The following LCA5 variants were observed in gnomAD, a reference collection of about 807,000 sequenced individuals.
LCA5 encodes the protein lebercilin LCA5.
A neutral mutation model predicts 53.0 loss-of-function variants in LCA5; 37 were observed. That is an observed-to-expected ratio of 0.70 (90% CI 0.54 to 0.92). The LOEUF (loss-of-function observed/expected upper bound fraction) is 0.92, where lower values mean the gene tolerates loss of function less well. LCA5 is among the 40% of genes least tolerant of loss of function. LCA5 has a pLI of 0.00. For synonymous variants in LCA5, 303 were observed against 282.9 expected, an observed-to-expected ratio of 1.07 and a Z score of -0.71; for missense variants, 806 against 790.5, an observed-to-expected ratio of 1.02 and a Z score of -0.23.
intron 3 of LCA5, among the ~76,000 whole-genome samples, chr6:79,503,639 C>T (rs768446445): frequency 5.9e-5 from 9 of 152,162 alleles, no homozygotes; most frequent in African/African-American, 1.2e-4. Context: ...AAGTACCAAG[C>T]GCTGAGCCAG....
At chr6:79,525,450 T>C (rs1378113526) in intron 1 of LCA5, among the ~76,000 whole-genome samples, 2 of 152,204 alleles carry the variant, frequency 1.3e-5, no homozygotes, top group Non-Finnish European at 2.9e-5. Context: ...AGAGTGGTCA[T>C]AGCCATCTGG....
chr6:79,487,501 T>C lies in LCA5; in HGVS notation c.1597A>G (p.Lys533Glu), dbSNP rs776677108. 3.7e-6 allele frequency: 6 copies of C among 1,614,048 alleles called. 1 individual carries two copies. Among genetic ancestry groups the C allele is most frequent in the East Asian group, 4.5e-5 (2 of 44,872 alleles). Residue 533 changes from lysine to glutamate, a missense_variant, in exon 8 of 8, where the codon AAA becomes GAA. By Grantham distance (56) the Lys-to-Glu change is moderately conservative (BLOSUM62 1). Transcript: ENST00000369846. ...HLQDISFSTP[K>E]GEGQNSGNVR... is the part of the protein sequence containing the mutation. ...TTTCCTGAATTCTGACCTTCTCCTT[T>C]TGGAGTTGAGAAACTGATGTCTTGC... is the stretch of plus-strand genomic sequence containing the variant.
At chr6:79,521,061 T>TTCA (rs1766609800) in intron 1 of LCA5, among the ~76,000 whole-genome samples, 2 of 152,224 alleles carry the variant, frequency 1.3e-5, no homozygotes, top group Admixed American at 1.3e-4. Context: ...GAGATGTTGC[T>TTCA]GGTGTAACTG....
chr6:79,507,275 G>C (rs1284008850), intron 3 of LCA5, among the ~76,000 whole-genome samples: 1 of 152,012 alleles, frequency 6.6e-6, no homozygotes, highest in Non-Finnish European at 1.5e-5. Context: ...GGGAAATATA[G>C]ATTTTTTGTT....
In LCA5 at chr6:79,518,900, T is replaced by C. The variant is rs1289420415; in HGVS notation, c.-6A>G. The C allele has an allele frequency of 1.2e-6, 2 of 1,613,744 alleles. No homozygotes were observed. Among genetic ancestry groups the C allele is most frequent in the African/African-American group, 2.7e-5 (2 of 74,936 alleles). On this transcript the variant is annotated 5_prime_UTR_variant, in exon 2 of 8. Transcript: ENST00000369846. ...CTTCCTGCTCTTTCCCCCATTGTTT[T>C]GAAAAATGGTCTCTATTCACATAAT... is the stretch of plus-strand genomic sequence containing the variant.
Position 79,487,799 on chromosome 6 carries a change from C to T in LCA5, c.1299G>A (p.Lys433=). ...GGTACCTTCCAGTTTCCCACTCTGG[C>T]TTTTCTTCTCTTTCCAGTAAAGATG... The part of the protein sequence containing the change: ...EKASLLEREE[K]PEWETGRYQL... Residue 433 remains lysine, a synonymous_variant, in exon 8 of 8, where the codon AAG becomes AAA. Transcript: ENST00000369846. 6.2e-7 allele frequency: 1 copy of T among 1,611,164 alleles called. No individual in the cohort carries two copies.
upstream of LCA5, among the ~76,000 whole-genome samples, chr6:79,538,018 G>GTTTTTTTTTTTTT (rs869197362): frequency 2.4e-3 from 106 of 44,158 alleles, 32 homozygotes; most frequent in South Asian, 3.2e-3. Flanking sequence ...TTGCACACAA[G>GTTTTTTTTTTTTT]TTTTTTTTTT....
intron 1 of LCA5, among the ~76,000 whole-genome samples, chr6:79,525,677 T>C (rs1049190928): frequency 6.6e-5 from 10 of 152,244 alleles, no homozygotes; most frequent in South Asian, 2.1e-4. Context: ...TCCCTCTGCA[T>C]TCCTGCAAAG....
intron 6 of LCA5, 98 bp downstream of exon 6, chr6:79,491,490 G>T: frequency 8.2e-7 from 1 of 1,220,444 alleles, no homozygotes; most frequent in Non-Finnish European, 1.2e-6. Flanking sequence ...TATAGATATA[G>T]TACTAGCTTC....
intron 3 of LCA5, among the ~76,000 whole-genome samples, chr6:79,503,492 A>G (rs935315932): frequency 1.3e-5 from 2 of 152,196 alleles, no homozygotes; most frequent in African/African-American, 4.8e-5. Context: ...ACTGAGCTCA[A>G]ATTGAAAACC....
chr6:79,518,966 G>GA lies in LCA5; in HGVS notation c.-73dup, dbSNP rs1469777558. Reference sequence around the variant, plus strand: ...CTCCAGAGGAGACTATGACAATACTGAAAAACATTTTCACAGTCTTCAGAT... The same window carrying GA: ...CTCCAGAGGAGACTATGACAATACTGAAAAAACATTTTCACAGTCTTCAGAT... On this transcript the variant is annotated 5_prime_UTR_variant, in exon 2 of 8. An upstream open reading frame in the 5' UTR gains an earlier in-frame stop. Transcript: ENST00000369846. 10 of 1,354,354 alleles carry GA rather than the reference G, an allele frequency of 7.4e-6. No individual in the cohort carries two copies. The highest frequency in any genetic ancestry group is 1.7e-5 in the Admixed American group (1 of 59,644). 83.9% of individuals were successfully genotyped at this position (1,354,354 alleles called of 1,614,324 possible). A position where few individuals can be genotyped will look rare whatever the true frequency, so the allele number is the denominator to read the frequency against.
chr6:79,536,462 A>C (rs1053066857), intron 1 of LCA5, among the ~76,000 whole-genome samples: 9 of 152,242 alleles, frequency 5.9e-5, no homozygotes, highest in Admixed American at 4.6e-4. Flanking sequence ...ATATCAGATG[A>C]ACTGGACCAG....
intron 7 of LCA5, 55 bp downstream of exon 7, chr6:79,489,025 CTCTT>C (rs766530411): frequency 5.0e-6 from 8 of 1,588,634 alleles, no homozygotes; most frequent in Non-Finnish European, 6.0e-6. Flanking sequence ...AAGACGCTCA[CTCTT>C]TCTTTCTCAA....
intron 3 of LCA5, among the ~76,000 whole-genome samples, chr6:79,510,840 G>T (rs529642233): frequency 6.6e-6 from 1 of 152,238 alleles, no homozygotes; most frequent in Admixed American, 6.5e-5. Flanking sequence ...AGCCATTAGG[G>T]AAAGGCAAAT....
chr6:79,496,159 C>A (rs951881617), intron 3 of LCA5, among the ~76,000 whole-genome samples: 3 of 152,174 alleles, frequency 2.0e-5, no homozygotes, highest in Non-Finnish European at 4.4e-5. Flanking sequence ...ATCAGAATGT[C>A]TTAAACTGGA....
chr6:79,504,451 C>A (rs568625897), intron 3 of LCA5, among the ~76,000 whole-genome samples: 2 of 152,138 alleles, frequency 1.3e-5, no homozygotes, highest in South Asian at 4.1e-4. Context: ...CATTTATGGA[C>A]AGAAAAAGGG....
chr6:79,493,568 C>T (rs202202315), intron 4 of LCA5, 45 bp downstream of exon 4: 20 of 1,522,788 alleles, frequency 1.3e-5, no homozygotes, highest in African/African-American at 6.9e-5. Flanking sequence ...ATTTAATTTT[C>T]GTCTAATACA....
intron 2 of LCA5, among the ~76,000 whole-genome samples, chr6:79,515,638 G>A (rs1448102158): frequency 1.3e-5 from 2 of 151,812 alleles, no homozygotes; most frequent in African/African-American, 4.8e-5. Flanking sequence ...ATGCATTCCA[G>A]AGTAAAAAAA....
chr6:79,501,431 C>T (rs911481884), intron 3 of LCA5, among the ~76,000 whole-genome samples: 4 of 152,086 alleles, frequency 2.6e-5, no homozygotes, highest in African/African-American at 9.7e-5. Flanking sequence ...CTGAAAGGAA[C>T]AGAGCCTAAG....
Sources: allele counts gnomAD v4.1 joint callset (sites outside exome capture counted in the v4.1 genomes callset), GRCh38; gene constraint gnomAD v4.1.1; transcripts MANE v1.5; gene names NCBI Gene and HGNC (gene_info 2026-07-23, HGNC 2026-07-21).